EGFLAM: variants seen among roughly 807,000 people sequenced by gnomAD.
EGFLAM encodes the protein pikachurin.
A neutral mutation model predicts 113.1 loss-of-function variants in EGFLAM; 79 were observed. The ratio of observed to expected loss-of-function variants is 0.70; its 90% CI spans 0.58 to 0.84. The LOEUF (loss-of-function observed/expected upper bound fraction) is 0.84, where lower values mean the gene tolerates loss of function less well. EGFLAM is among the 40% of genes least tolerant of loss of function. The pLI is 0.00. For missense variants in EGFLAM, 1,265 were observed against 1,291.6 expected (o/e 0.98, Z 0.32); for synonymous variants, 504 against 487.6 (o/e 1.03, Z -0.44).
intron 6 of EGFLAM, among the ~76,000 whole-genome samples, chr5:38,378,630 C>T (rs1182004796): frequency 1.3e-5 from 2 of 152,198 alleles, no homozygotes; most frequent in African/African-American, 4.8e-5. Context: ...CAATCCATGC[C>T]TATGAAAGTT....
chr5:38,321,770 T>G (rs1738748999), intron 1 of EGFLAM, among the ~76,000 whole-genome samples: 1 of 152,152 alleles, frequency 6.6e-6, no homozygotes, highest in African/African-American at 2.4e-5. Context: ...ACAACCCAGC[T>G]GAGCCCAGTT....
rs765039199 is a variant in EGFLAM, at chr5:38,464,097, C to G, written c.*111C>G. 131 of 1,397,208 alleles carry G rather than the reference C, an allele frequency of 9.4e-5. 1 individual carries two copies. Among genetic ancestry groups the G allele is most frequent in the Non-Finnish European group, 1.2e-4 (123 of 1,033,172 alleles). The allele number at this position is 1,397,208 out of a possible 1,614,324, so 86.6% of individuals were successfully genotyped here. On this transcript the variant is annotated 3_prime_UTR_variant, in exon 22 of 22. Transcript: ENST00000322350. Reference sequence around the variant, plus strand: ...GGCCCAGGGACCAGGTGTGTTTCCTCTCACCAAGAAGAAAGTACACACTGA... The same window carrying G: ...GGCCCAGGGACCAGGTGTGTTTCCTGTCACCAAGAAGAAAGTACACACTGA...
intron 1 of EGFLAM, among the ~76,000 whole-genome samples, chr5:38,307,714 T>C (rs1758759632): frequency 6.6e-6 from 1 of 152,246 alleles, no homozygotes; most frequent in Non-Finnish European, 1.5e-5. Context: ...TCTTTGCATA[T>C]TATTCTCTTG....
At chr5:38,308,261 C>A (rs1758779978) in intron 1 of EGFLAM, among the ~76,000 whole-genome samples, 1 of 152,236 alleles carries the variant, frequency 6.6e-6, no homozygotes, top group Non-Finnish European at 1.5e-5. Context: ...ACTCTTGTCC[C>A]TTTTGTTACC....
chr5:38,294,698 C>T (rs929830169), intron 1 of EGFLAM, among the ~76,000 whole-genome samples: 4 of 152,050 alleles, frequency 2.6e-5, no homozygotes, highest in African/African-American at 4.8e-5. Flanking sequence ...TACAGGTTTA[C>T]CTTGGTTCTA....
At chr5:38,309,042 G>T (rs1758799194) in intron 1 of EGFLAM, among the ~76,000 whole-genome samples, 1 of 152,320 alleles carries the variant, frequency 6.6e-6, no homozygotes, top group South Asian at 2.1e-4. Flanking sequence ...TTGCAAACCA[G>T]CTGCCAACAT....
intron 1 of EGFLAM, among the ~76,000 whole-genome samples, chr5:38,308,503 A>AT (rs879714612): frequency 3.3e-5 from 5 of 152,028 alleles, no homozygotes; most frequent in Admixed American, 6.6e-5. Flanking sequence ...TGGCTTTGGC[A>AT]TTTTTTTTCC....
intron 1 of EGFLAM, among the ~76,000 whole-genome samples, chr5:38,332,904 TAC>T (rs770795383): frequency 7.0e-4 from 106 of 152,332 alleles, no homozygotes; most frequent in Non-Finnish European, 1.1e-3. Flanking sequence ...GTCACAGTGC[TAC>T]AGAGATTTTG....
intron 13 of EGFLAM, among the ~76,000 whole-genome samples, chr5:38,425,707 G>A (rs1010410455): frequency 6.6e-6 from 1 of 152,144 alleles, no homozygotes; most frequent in Non-Finnish European, 1.5e-5. Flanking sequence ...AGAATCAGTG[G>A]GCTCCTCTTG....
At chr5:38,385,315 C>T (rs1054675265) in intron 6 of EGFLAM, among the ~76,000 whole-genome samples, 7 of 129,790 alleles carry the variant, frequency 5.4e-5, no homozygotes, top group East Asian at 5.1e-4. Context: ...CAACAAACAC[C>T]AACATCCAAA....
At chr5:38,282,984 T>C (rs1758056395) in intron 1 of EGFLAM, among the ~76,000 whole-genome samples, 1 of 152,174 alleles carries the variant, frequency 6.6e-6, no homozygotes, top group Non-Finnish European at 1.5e-5. Flanking sequence ...CCTGAATAGC[T>C]GGGACTACAG....
At chr5:38,372,124 G>A (rs1004790761) in intron 6 of EGFLAM, among the ~76,000 whole-genome samples, 1 of 151,794 alleles carries the variant, frequency 6.6e-6, no homozygotes, top group East Asian at 1.9e-4. Flanking sequence ...GGGTGGGTTG[G>A]GGCACCTCTC....
chr5:38,380,033 A>G (rs1003110836), intron 6 of EGFLAM, among the ~76,000 whole-genome samples: 3 of 152,224 alleles, frequency 2.0e-5, no homozygotes, highest in African/African-American at 4.8e-5. Context: ...ATAATTATAC[A>G]TGGCTGTATT....
In EGFLAM at chr5:38,258,608, C is replaced by T; in HGVS notation, c.-147C>T. 1.1e-6 allele frequency: 1 copy of T among 870,308 alleles called. No individual in the cohort carries two copies. The highest frequency in any genetic ancestry group is 1.8e-6 in the Non-Finnish European group (1 of 541,700). 53.9% of individuals were successfully genotyped at this position (870,308 alleles called of 1,614,324 possible). On this transcript the variant is annotated 5_prime_UTR_variant, in exon 1 of 22. Transcript: ENST00000322350. ...TGCAGTCCTACCTCTTGGAACTACC[C>T]GTGTTTCCGGGCCCAGCCCTCGCAG...
rs549492568 is a variant in EGFLAM at position 38,267,957 on chromosome 5, G to A, written c.97+9106G>A. Among the ~76,000 whole-genome samples, 31 of 152,184 alleles carry A rather than the reference G, an allele frequency of 2.0e-4. 1 individual carries two copies. The highest frequency in any genetic ancestry group is 4.8e-4 in the African/African-American group (20 of 41,520). On this transcript the variant is annotated intron_variant, in intron 1 of 21. Coordinates refer to ENST00000322350, the MANE Select transcript of EGFLAM (RefSeq NM_152403.4). ...ATTATTCATGTCCCTCTATTTTTAC[G>A]TGGACAAAGAGTAAGAATCCAGCAA...
At chr5:38,266,332 T>A (rs1293684038) in intron 1 of EGFLAM, among the ~76,000 whole-genome samples, 4 of 152,142 alleles carry the variant, frequency 2.6e-5, no homozygotes, top group Non-Finnish European at 4.4e-5. Flanking sequence ...TCCATAATCC[T>A]CAGTTTACTG....
chr5:38,433,419 C>T lies in EGFLAM; in HGVS notation c.2167-1718C>T, dbSNP rs142685394. 6.2e-3 allele frequency among the ~76,000 whole-genome samples: 950 copies of T among 152,276 alleles called. 4 individuals carry two copies. Among genetic ancestry groups the T allele is most frequent in the Non-Finnish European group, 1.0e-2 (677 of 68,008 alleles). On this transcript the variant is annotated intron_variant, in intron 15 of 21. Transcript: ENST00000322350. ...CTTTGCAAACTGCTTCCAGCCAAGC[C>T]AAAGTATAGGATCCAGACACAAAAC...
intron 1 of EGFLAM, among the ~76,000 whole-genome samples, chr5:38,300,890 T>G (rs1225971670): frequency 6.6e-6 from 1 of 152,160 alleles, no homozygotes; most frequent in African/African-American, 2.4e-5. Context: ...GTGGATGAGT[T>G]ATGCGTAAAA....
intron 1 of EGFLAM, among the ~76,000 whole-genome samples, chr5:38,316,001 C>T (rs528510309): frequency 8.0e-5 from 12 of 149,844 alleles, no homozygotes; most frequent in Admixed American, 2.0e-4. Flanking sequence ...TGCTTGAACC[C>T]GGCATGCGGA....
Sources: allele counts gnomAD v4.1 joint callset (sites outside exome capture counted in the v4.1 genomes callset), GRCh38; gene constraint gnomAD v4.1.1; transcripts MANE v1.5; gene names NCBI Gene and HGNC (gene_info 2026-07-23, HGNC 2026-07-21).